ZNF512: variants seen among roughly 807,000 people sequenced by gnomAD.
The protein encoded by ZNF512 is zinc finger protein 512.
ZNF512 carries 25 observed loss-of-function variants against 77.5 expected under a neutral mutation model. The ratio of observed to expected loss-of-function variants is 0.32; its 90% confidence interval spans 0.23 to 0.45. ZNF512 has a LOEUF of 0.45. ZNF512 is among the 20% of genes least tolerant of loss of function. The pLI is 1.00. For synonymous variants in ZNF512, 246 were observed against 239.9 expected (o/e 1.03, Z -0.24); for missense variants, 483 against 692.6 (o/e 0.70, Z 3.40).
intron 2 of ZNF512, among the ~76,000 whole-genome samples, chr2:27,590,264 T>C (rs1671516795): frequency 6.6e-6 from 1 of 152,374 alleles, no homozygotes; most frequent in East Asian, 1.9e-4. Flanking sequence ...TGGGTAATTA[T>C]GCCTTCCCAA....
rs1169082832 is a variant in ZNF512, at chr2:27,623,022, C to T, written c.*1561C>T. ...TTGTCAGGGAGGAGAAATGAAGAAG[C>T]TATGTTAATTTCTGGTGAGTAAGAC... On this transcript the variant is annotated 3_prime_UTR_variant, in exon 14 of 14. Coordinates refer to ENST00000355467, the MANE Select transcript of ZNF512 (RefSeq NM_032434.4). 6.5e-6 allele frequency: 1 copy of T among 152,776 alleles called. No individual in the cohort carries two copies. The highest frequency in any genetic ancestry group is 2.4e-5 in the African/African-American group (1 of 41,442). The allele number at this position is 152,776 out of a possible 1,614,324, so 9.5% of individuals were successfully genotyped here. A position where few individuals can be genotyped will look rare whatever the true frequency, so the allele number is the denominator to read the frequency against.
intron 13 of ZNF512, 73 bp from the exon 14 acceptor site, chr2:27,621,080 A>G: frequency 6.5e-7 from 1 of 1,530,858 alleles, no homozygotes; most frequent in Non-Finnish European, 8.8e-7. Context: ...CCTTTTTTCC[A>G]TTCTTCCTCC....
chr2:27,596,480 G>A (rs919340717), intron 2 of ZNF512, among the ~76,000 whole-genome samples: 6 of 152,100 alleles, frequency 3.9e-5, no homozygotes, highest in Non-Finnish European at 8.8e-5. Flanking sequence ...GATTTACCTG[G>A]TAAGAAAGAA....
chr2:27,602,587 T>G (rs372854310), intron 8 of ZNF512, 26 bp downstream of exon 8: 10 of 1,584,302 alleles, frequency 6.3e-6, no homozygotes, highest in Non-Finnish European at 8.6e-6. Flanking sequence ...CAGCAATTCC[T>G]TCTGCCTGAA....
rs539756676 is a variant in ZNF512 at position 27,618,166 on chromosome 2, CGCCTT to C, written c.1395+597_1395+601del. Among the ~76,000 whole-genome samples, 32 of 152,146 alleles carry C rather than the reference CGCCTT, an allele frequency of 2.1e-4. 1 individual carries two copies. Among genetic ancestry groups the C allele is most frequent in the Admixed American group, 1.8e-3 (28 of 15,278 alleles). On this transcript the variant is annotated intron_variant, in intron 13 of 13. Coordinates refer to ENST00000355467, the MANE Select transcript of ZNF512 (RefSeq NM_032434.4). ...AACTCCTGACTTCAGGTGATTCACT[CGCCTT>C]GGCCTCCCAAAGTGCTAGGATTACA...
At chr2:27,589,406 A>G (rs1239645669) in intron 2 of ZNF512, among the ~76,000 whole-genome samples, 1 of 152,172 alleles carries the variant, frequency 6.6e-6, no homozygotes, top group Non-Finnish European at 1.5e-5. Context: ...TTCAAAGTAT[A>G]TTATTACTTA....
chr2:27,613,495 C>CAA (rs147903009), intron 10 of ZNF512, among the ~76,000 whole-genome samples: 4 of 128,372 alleles, frequency 3.1e-5, no homozygotes, highest in African/African-American at 2.9e-5. Context: ...GACTCCATCT[C>CAA]AAAAAAAAAA....
intron 2 of ZNF512, among the ~76,000 whole-genome samples, chr2:27,587,500 C>T (rs1671386891): frequency 6.6e-6 from 1 of 151,906 alleles, no homozygotes; most frequent in South Asian, 2.1e-4. Flanking sequence ...TGGTCTCGAA[C>T]TCCTGACCTT....
At position 27,599,634 on chromosome 2, in the gene ZNF512, A is replaced by G; in HGVS notation, c.329A>G (p.Asp110Gly). 2 of 1,614,218 alleles carry G rather than the reference A, an allele frequency of 1.2e-6. No individual in the cohort carries two copies. Among genetic ancestry groups the G allele is most frequent in the Non-Finnish European group, 1.7e-6 (2 of 1,180,036 alleles). The change falls in exon 4 of 14, where the codon GAT (aspartate) becomes GGT (glycine). Residue 110 changes from aspartate (D) to glycine (G), a missense_variant. Physicochemically the swap from Asp to Gly is moderately conservative, Grantham distance 94. This residue lies in a region of ZNF512 where 159 missense variants were observed against 167.5 expected (regional missense o/e 0.95). Coordinates refer to ENST00000355467, the MANE Select transcript of ZNF512 (RefSeq NM_032434.4). ...AAAAGGAAACCCAGGCAGGAAGAAG[A>G]TGAAGACTATCGAGAATTTCCTCAG... Reference protein sequence around the residue: ...KGKRKPRQEEDEDYREFPQKK... With the variant: ...KGKRKPRQEEGEDYREFPQKK...
chr2:27,620,432 G>T (rs1673066381), intron 13 of ZNF512, among the ~76,000 whole-genome samples: 1 of 152,084 alleles, frequency 6.6e-6, no homozygotes, highest in Non-Finnish European at 1.5e-5. Context: ...CTGGAATTTT[G>T]CTGATTGCAC....
chr2:27,609,216 C>G (rs1468133473), intron 10 of ZNF512, among the ~76,000 whole-genome samples: 1 of 152,082 alleles, frequency 6.6e-6, no homozygotes, highest in Non-Finnish European at 1.5e-5. Context: ...GTGTGCACTC[C>G]TGGTGGACAC....
intron 13 of ZNF512, among the ~76,000 whole-genome samples, chr2:27,618,858 T>G (rs1400179914): frequency 1.3e-5 from 2 of 152,200 alleles, no homozygotes; most frequent in Non-Finnish European, 2.9e-5. Context: ...CAATTTGCAT[T>G]CTCTTGGAAT....
chr2:27,584,362 T>G (rs772978928), intron 2 of ZNF512, among the ~76,000 whole-genome samples: 29 of 152,268 alleles, frequency 1.9e-4, no homozygotes, highest in Non-Finnish European at 4.1e-4. Context: ...TGGTTTATTA[T>G]TTAGTACACT....
intron 9 of ZNF512, among the ~76,000 whole-genome samples, chr2:27,605,421 T>A (rs2148027735): frequency 6.6e-6 from 1 of 151,712 alleles, no homozygotes; most frequent in Admixed American, 6.6e-5. Context: ...GCCACTGCAC[T>A]CCAGCCTGGG....
At chr2:27,590,502 T>A (rs768895512) in intron 2 of ZNF512, among the ~76,000 whole-genome samples, 17 of 152,250 alleles carry the variant, frequency 1.1e-4, no homozygotes, top group Non-Finnish European at 1.9e-4. Flanking sequence ...TATTTTACTC[T>A]GTCATTTGCT....
chr2:27,606,612 C>T (rs1199866825), intron 9 of ZNF512, among the ~76,000 whole-genome samples: 10 of 152,170 alleles, frequency 6.6e-5, no homozygotes, highest in Admixed American at 5.2e-4. Flanking sequence ...CCGCCTGCCT[C>T]AGCCTCCCAA....
intron 10 of ZNF512, among the ~76,000 whole-genome samples, chr2:27,611,941 C>T (rs1672684332): frequency 6.6e-6 from 1 of 152,012 alleles, no homozygotes; most frequent in Non-Finnish European, 1.5e-5. Context: ...TGTGATCCAC[C>T]CCCTAGAGTG....
At chr2:27,610,580 T>TATATACA (rs1672612101) in intron 10 of ZNF512, among the ~76,000 whole-genome samples, 2 of 45,486 alleles carry the variant, frequency 4.4e-5, no homozygotes, top group African/African-American at 1.2e-4. Flanking sequence ...TTTTTTTTTT[T>TATATACA]TTTTTTTTTT....
At position 27,599,000 on chromosome 2, in the gene ZNF512, C is replaced by T. The variant is rs1389919322; in HGVS notation, c.278-583C>T. On this transcript the variant is annotated intron_variant, in intron 3 of 13. Coordinates refer to ENST00000355467, the MANE Select transcript of ZNF512 (RefSeq NM_032434.4). ...GGGATTACAGGCATGTGCCACCACA[C>T]CTGGCTAATTTTGTATTTTTAGCAG... 4.6e-5 allele frequency among the ~76,000 whole-genome samples: 7 copies of T among 152,108 alleles called. No individual in the cohort carries two copies. In the East Asian group the frequency reaches 1.4e-3, roughly 29 times the overall value.
Sources: gnomAD v4.1 joint callset for allele counts (sites outside exome capture counted in the v4.1 genomes callset) on GRCh38, gnomAD v4.1.1 for gene constraint, gnomAD v4.1.1 regional missense constraint, MANE v1.5 for transcripts, NCBI Gene and HGNC (gene_info 2026-07-23, HGNC 2026-07-21) for gene names.